Variants in SCFD2 observed in about 807,000 individuals in gnomAD.
SCFD2 encodes the protein sec1 family domain-containing protein 2.
Under a neutral mutation model 58.9 loss-of-function variants are expected in SCFD2, and 54 were observed. The ratio of observed to expected loss-of-function variants is 0.92; its 90% CI spans 0.74 to 1.15. The LOEUF is 1.15. Ranked by LOEUF, SCFD2 falls within the 50% of genes most tolerant of loss-of-function variation. The probability of loss-of-function intolerance (pLI) is 0.00; values close to 1 mark genes in which losing one functional copy is unlikely to be tolerated. For missense variants in SCFD2, 805 were observed against 836.6 expected (o/e 0.96, Z 0.47); for synonymous variants, 321 against 335.9 (o/e 0.96, Z 0.49).
rs539819332 is a variant in SCFD2 at position 52,876,106 on chromosome 4, C to T, written c.1963-2045G>A. 2.0e-5 allele frequency among the ~76,000 whole-genome samples: 3 copies of T among 150,570 alleles called. No individual in the cohort carries two copies. In the East Asian group the frequency reaches 6.0e-4, roughly 30 times the overall value. On this transcript the variant is annotated intron_variant, in intron 8 of 8. Transcript: ENST00000401642. ...CTGGCGGCTTCCAGGCGAGTGCCAT[C>T]AGCAGACCCTGAGGAGATCCCAGCT...
intron 1 of SCFD2, among the ~76,000 whole-genome samples, chr4:53,353,442 T>G (rs1734300820): frequency 6.6e-6 from 1 of 152,186 alleles, no homozygotes; most frequent in African/African-American, 2.4e-5. Context: ...TCCAACAGTG[T>G]GGTAAGGGAC....
At chr4:53,161,669 T>C (rs1268784682) in intron 4 of SCFD2, among the ~76,000 whole-genome samples, 6 of 152,194 alleles carry the variant, frequency 3.9e-5, no homozygotes, top group African/African-American at 1.4e-4. Context: ...AACAGGCCAG[T>C]TGAGCCGTAA....
At chr4:52,967,849 G>T (rs1454342015) in intron 5 of SCFD2, among the ~76,000 whole-genome samples, 1 of 152,082 alleles carries the variant, frequency 6.6e-6, no homozygotes, top group African/African-American at 2.4e-5. Context: ...GCACAATTCT[G>T]TCTCTTCCTT....
intron 5 of SCFD2, among the ~76,000 whole-genome samples, chr4:53,144,079 C>G (rs531972280): frequency 1.3e-5 from 2 of 152,056 alleles, no homozygotes; most frequent in East Asian, 3.9e-4. Context: ...ATTAGCAGAA[C>G]CTACTTTACT....
chr4:53,031,431 G>C (rs1357559740), intron 5 of SCFD2, among the ~76,000 whole-genome samples: 1 of 152,152 alleles, frequency 6.6e-6, no homozygotes, highest in Admixed American at 6.5e-5. Context: ...GAATAAGTTT[G>C]ACAAACTGAC....
At chr4:52,880,631 AG>A (rs1718587946) in intron 8 of SCFD2, among the ~76,000 whole-genome samples, 1 of 145,262 alleles carries the variant, frequency 6.9e-6, no homozygotes, top group South Asian at 2.2e-4. Flanking sequence ...AAAAAAAAAA[AG>A]AAAAAGAAAA....
chr4:53,136,139 T>C (rs1725930787), intron 5 of SCFD2, among the ~76,000 whole-genome samples: 1 of 152,198 alleles, frequency 6.6e-6, no homozygotes, highest in Non-Finnish European at 1.5e-5. Flanking sequence ...AAAGCACACA[T>C]GAATCAGTAA....
chr4:53,043,646 C>A (rs1722953531), intron 5 of SCFD2, among the ~76,000 whole-genome samples: 1 of 152,080 alleles, frequency 6.6e-6, no homozygotes, highest in African/African-American at 2.4e-5. Context: ...ACTTGCAAAA[C>A]AGTATTACTT....
At chr4:53,157,628 G>A (rs1220854279) in intron 4 of SCFD2, among the ~76,000 whole-genome samples, 1 of 151,438 alleles carries the variant, frequency 6.6e-6, no homozygotes, top group Non-Finnish European at 1.5e-5. Context: ...TTTTTGTTCT[G>A]GAAATATGGT....
In SCFD2 at chr4:52,900,636, C is replaced by G. The variant is rs533335403; in HGVS notation, c.1842+6821G>C. On this transcript the variant is annotated intron_variant, in intron 7 of 8. Transcript: ENST00000401642. ...CTGCCGGTTCTCAGATCTCAAGCTGCGTGCTGGGAGAACCACTACTCTCTT... is the reference window on the plus strand; with the variant it reads ...CTGCCGGTTCTCAGATCTCAAGCTGGGTGCTGGGAGAACCACTACTCTCTT... 2.0e-5 allele frequency among the ~76,000 whole-genome samples: 3 copies of G among 152,324 alleles called. No homozygotes were observed. In the East Asian group the frequency reaches 5.8e-4, roughly 29 times the overall value.
chr4:53,136,785 G>A (rs2148904417), intron 5 of SCFD2, among the ~76,000 whole-genome samples: 1 of 152,292 alleles, frequency 6.6e-6, no homozygotes, highest in Admixed American at 6.5e-5. Context: ...TGTGCTCAGA[G>A]CCTCTACATT....
At chr4:53,035,589 T>C (rs1382168303) in intron 5 of SCFD2, among the ~76,000 whole-genome samples, 1 of 152,194 alleles carries the variant, frequency 6.6e-6, no homozygotes, top group Admixed American at 6.5e-5. Context: ...GACAAAGGGC[T>C]AATATCCAGA....
At chr4:53,002,405 C>T (rs1346578174) in intron 5 of SCFD2, among the ~76,000 whole-genome samples, 1 of 152,166 alleles carries the variant, frequency 6.6e-6, no homozygotes, top group East Asian at 1.9e-4. Context: ...GTCTGATATA[C>T]AGCACTGGGT....
At chr4:53,121,621 A>C (rs1725480476) in intron 5 of SCFD2, among the ~76,000 whole-genome samples, 1 of 152,194 alleles carries the variant, frequency 6.6e-6, no homozygotes, top group African/African-American at 2.4e-5. Flanking sequence ...CAAAAGAAGT[A>C]ACTTTGTGAA....
intron 2 of SCFD2, among the ~76,000 whole-genome samples, chr4:53,337,659 A>G (rs1733725981): frequency 6.6e-6 from 1 of 152,234 alleles, no homozygotes; most frequent in African/African-American, 2.4e-5. Context: ...AAAACTGGAC[A>G]CAGCCTAGGT....
chr4:53,139,368 G>A (rs1021442030), intron 5 of SCFD2, among the ~76,000 whole-genome samples: 50 of 149,078 alleles, frequency 3.4e-4, no homozygotes, highest in East Asian at 6.1e-4. Context: ...CTGCCCAGCC[G>A]CCCAGTCTGG....
At chr4:52,875,621 T>C (rs1230513828) in intron 8 of SCFD2, among the ~76,000 whole-genome samples, 1 of 151,202 alleles carries the variant, frequency 6.6e-6, no homozygotes, top group African/African-American at 2.4e-5. Flanking sequence ...CACGAGCTCA[T>C]TGATGGAAAA....
chr4:53,264,529 G>A (rs1398046328), intron 4 of SCFD2, among the ~76,000 whole-genome samples: 2 of 152,148 alleles, frequency 1.3e-5, no homozygotes, highest in African/African-American at 4.8e-5. Flanking sequence ...CAGTGTGGTG[G>A]AAACTTCTTC....
intron 4 of SCFD2, among the ~76,000 whole-genome samples, chr4:53,217,447 A>C (rs1408910546): frequency 2.0e-5 from 3 of 152,146 alleles, no homozygotes; most frequent in East Asian, 1.9e-4. Flanking sequence ...CTGTTTTATC[A>C]GAGATTAGGA....
Sources: allele counts gnomAD v4.1 joint callset (sites outside exome capture counted in the v4.1 genomes callset), GRCh38; gene constraint gnomAD v4.1.1; transcripts MANE v1.5; gene names NCBI Gene and HGNC (gene_info 2026-07-23, HGNC 2026-07-21).